Variants in CCDC91 observed in about 807,000 individuals in gnomAD.
CCDC91 encodes the protein coiled-coil domain containing 91.
CCDC91 carries 48 observed loss-of-function variants against 63.2 expected under a neutral mutation model. The observed-to-expected ratio is 0.76, with a 90% confidence interval of 0.60 to 0.97. CCDC91 has a LOEUF of 0.97. CCDC91 is among the 50% of genes least tolerant of loss of function. CCDC91 has a pLI of 0.00. For synonymous variants in CCDC91, 167 were observed against 165.8 expected (o/e 1.01, Z -0.06); for missense variants, 500 against 494.6 (o/e 1.01, Z -0.10).
chr12:28,412,994 A>T (rs1947413708), intron 8 of CCDC91: 1 of 250,864 alleles, frequency 4.0e-6, no homozygotes, highest in African/African-American at 2.3e-5. Context: ...GTACCAGTGG[A>T]ATCTATATTA....
At chr12:28,320,456 A>G (rs1940377510) in intron 6 of CCDC91, among the ~76,000 whole-genome samples, 1 of 151,872 alleles carries the variant, frequency 6.6e-6, no homozygotes, top group African/African-American at 2.4e-5. Flanking sequence ...GCTAAGCCTC[A>G]TCCTCATGCA....
rs77718807 is a variant in CCDC91, at chr12:28,223,154, G to A, written c.-15+32513G>A. 4.6e-5 allele frequency among the ~76,000 whole-genome samples: 7 copies of A among 152,222 alleles called. No individual in the cohort carries two copies. The East Asian group carries it at 1.4e-3, about 29-fold the overall frequency. ...GGCAGGAAATTGAAAGTGTGATGAA[G>A]CCTGTGTTTGCACATAAAGGTGAAC... is the stretch of plus-strand genomic sequence containing the variant. On this transcript the variant is annotated intron_variant, in intron 1 of 12. Coordinates refer to ENST00000536442, the MANE Select transcript of CCDC91 (RefSeq NM_018318.5).
intron 8 of CCDC91, among the ~76,000 whole-genome samples, chr12:28,442,581 A>G (rs968198253): frequency 2.6e-5 from 4 of 152,122 alleles, no homozygotes; most frequent in African/African-American, 7.2e-5. Context: ...TCACATACCA[A>G]GAACAAAAAT....
In CCDC91 at chr12:28,434,590, T is replaced by C. The variant is rs80038083; in HGVS notation, c.763-15571T>C. ...TTTCTTATTAGGCCTTAGGCCTTGG[T>C]CTGGTTTTTTTTTTTTTTTTTTTTT... On this transcript the variant is annotated intron_variant, in intron 8 of 12. Coordinates refer to ENST00000536442, the MANE Select transcript of CCDC91 (RefSeq NM_018318.5). Among the ~76,000 whole-genome samples, 1,090 of 142,228 alleles carry C rather than the reference T, an allele frequency of 7.7e-3. 14 individuals are homozygous for C. Among genetic ancestry groups the C allele is most frequent in the African/African-American group, 0.027 (1,050 of 39,296 alleles). 93.3% of individuals were successfully genotyped at this position (142,228 alleles called of 152,430 possible).
At chr12:28,212,350 A>G (rs940738921) in intron 1 of CCDC91, among the ~76,000 whole-genome samples, 5 of 152,238 alleles carry the variant, frequency 3.3e-5, no homozygotes, top group African/African-American at 1.2e-4. Flanking sequence ...AGATTTATAG[A>G]CAAAAAAAGG....
intron 3 of CCDC91, among the ~76,000 whole-genome samples, chr12:28,287,167 C>T (rs930597939): frequency 1.3e-5 from 2 of 152,056 alleles, no homozygotes; most frequent in Non-Finnish European, 2.9e-5. Flanking sequence ...TGTCTGTATA[C>T]TGTATTAATA....
chr12:28,305,813 A>G lies in CCDC91; in HGVS notation c.267+7A>G. ...AACTATTCCAAAAGCACAGGTAAAG[A>G]CAAACATATTTTTAAAGGAGGTTTG... On this transcript the variant is annotated splice_region_variant and intron_variant, in intron 4 of 12. Coordinates refer to ENST00000536442, the MANE Select transcript of CCDC91 (RefSeq NM_018318.5). 1.2e-6 allele frequency: 2 copies of G among 1,602,070 alleles called. No individual in the cohort carries two copies. The highest frequency in any genetic ancestry group is 1.7e-6 in the Non-Finnish European group (2 of 1,174,922).
At chr12:28,376,175 TC>T (rs1944932605) in intron 7 of CCDC91, among the ~76,000 whole-genome samples, 1 of 151,884 alleles carries the variant, frequency 6.6e-6, no homozygotes, top group South Asian at 2.1e-4. Flanking sequence ...TTAACCATTG[TC>T]CTATCTTTTT....
At chr12:28,301,238 C>G (rs74560632) in intron 3 of CCDC91, among the ~76,000 whole-genome samples, 1 of 151,470 alleles carries the variant, frequency 6.6e-6, no homozygotes, top group Admixed American at 6.6e-5. Context: ...TCTTAAAAAG[C>G]GTCCATCAGT....
chr12:28,217,094 T>C (rs1943610904), intron 1 of CCDC91, among the ~76,000 whole-genome samples: 1 of 152,094 alleles, frequency 6.6e-6, no homozygotes, highest in Non-Finnish European at 1.5e-5. Flanking sequence ...CATCTTCCCT[T>C]ATAATAAGGA....
chr12:28,267,646 T>C (rs919052879), intron 3 of CCDC91, among the ~76,000 whole-genome samples: 1 of 122,882 alleles, frequency 8.1e-6, no homozygotes, highest in Non-Finnish European at 1.6e-5. Flanking sequence ...CTAATTAATA[T>C]ATATACCCAA....
At chr12:28,509,076 C>T (rs1158928247) in intron 12 of CCDC91, among the ~76,000 whole-genome samples, 1 of 151,870 alleles carries the variant, frequency 6.6e-6, no homozygotes, top group Non-Finnish European at 1.5e-5. Context: ...TTCTATTTCA[C>T]GTAATGTGGA....
At chr12:28,528,452 A>G (rs1941463661) in intron 12 of CCDC91, among the ~76,000 whole-genome samples, 1 of 152,112 alleles carries the variant, frequency 6.6e-6, no homozygotes, top group African/African-American at 2.4e-5. Context: ...TCCTGCTTCC[A>G]CAGTTTGGGC....
chr12:28,444,842 C>T (rs1307805105), intron 8 of CCDC91, among the ~76,000 whole-genome samples: 1 of 112,524 alleles, frequency 8.9e-6, no homozygotes, highest in Non-Finnish European at 1.7e-5. Flanking sequence ...AAAAGTTTTT[C>T]TTAAAGATTT....
chr12:28,195,034 G>T (rs191703154), intron 1 of CCDC91, among the ~76,000 whole-genome samples: 8 of 152,348 alleles, frequency 5.3e-5, no homozygotes, highest in Admixed American at 2.6e-4. Context: ...ACCCGAAGGG[G>T]TTGCTGCTGC....
chr12:28,257,721 G>A (rs761612746), intron 2 of CCDC91, among the ~76,000 whole-genome samples: 25 of 152,110 alleles, frequency 1.6e-4, no homozygotes, highest in South Asian at 1.4e-3. Context: ...ATTCTAGTAG[G>A]TTAGGAATGG....
intron 12 of CCDC91, among the ~76,000 whole-genome samples, chr12:28,519,044 A>G (rs577109887): frequency 6.6e-6 from 1 of 151,932 alleles, no homozygotes; most frequent in South Asian, 2.1e-4. Context: ...TTTTGGTTCC[A>G]TATGAATTTG....
At chr12:28,341,337 G>A (rs1315547622) in intron 6 of CCDC91, among the ~76,000 whole-genome samples, 1 of 152,122 alleles carries the variant, frequency 6.6e-6, no homozygotes, top group Non-Finnish European at 1.5e-5. Context: ...ACAGGTCTGG[G>A]GGTGGAGCCC....
chr12:28,368,904 C>G (rs997346306), intron 7 of CCDC91, among the ~76,000 whole-genome samples: 3 of 152,034 alleles, frequency 2.0e-5, no homozygotes, highest in Admixed American at 6.6e-5. Flanking sequence ...GACTCACTGA[C>G]TACCATAAGA....
Sources: allele counts gnomAD v4.1 joint callset (sites outside exome capture counted in the v4.1 genomes callset), GRCh38; gene constraint gnomAD v4.1.1; transcripts MANE v1.5; gene names NCBI Gene and HGNC (gene_info 2026-07-23, HGNC 2026-07-21).